Variants in IFT140 observed in about 807,000 individuals in gnomAD.
IFT140 encodes intraflagellar transport 140.
IFT140 carries 133 observed loss-of-function variants against 164.6 expected under a neutral mutation model. That is an observed-to-expected ratio of 0.81 (90% CI 0.70 to 0.93). The LOEUF (loss-of-function observed/expected upper bound fraction) is 0.93. Ranked by LOEUF, IFT140 falls within the 40% of genes least tolerant of loss-of-function variation. IFT140 has a pLI of 0.00. For missense variants in IFT140, 2,045 were observed against 1,972.3 expected (o/e 1.04, Z -0.70); for synonymous variants, 860 against 817.3 (o/e 1.05, Z -0.89).
At chr16:1,598,718 G>A (rs1420685289) in intron 4 of IFT140, among the ~76,000 whole-genome samples, 9 of 152,264 alleles carry the variant, frequency 5.9e-5, no homozygotes, top group Admixed American at 2.6e-4. Flanking sequence ...GGCATGCCCC[G>A]GGACCCATCT....
At chr16:1,594,081 A>G (rs1226852468) in intron 4 of IFT140, among the ~76,000 whole-genome samples, 2 of 152,140 alleles carry the variant, frequency 1.3e-5, no homozygotes, top group Non-Finnish European at 1.5e-5. Flanking sequence ...TGCTTCATGT[A>G]TTCTGTTGCT....
At chr16:1,524,398 G>C (rs971694954) in intron 24 of IFT140, 154 bp downstream of exon 24, 1 of 957,790 alleles carries the variant, frequency 1.0e-6, no homozygotes, top group Non-Finnish European at 1.5e-6. Context: ...TGGGCAGAGG[G>C]GTGGGCGGGT....
Position 1,589,700 on chromosome 16 carries a change from T to C in IFT140, c.715A>G (p.Met239Val), listed in dbSNP as rs781148893. ...ACCACCAGTGCCTCCCTCTTCTCCA[T>C]GTAGAACAGCATCTGAATCGTGCTG... ...ADSTIQMLFYMEKREALVVVT... is the reference protein window; with the variant it reads ...ADSTIQMLFYVEKREALVVVT... Residue 239 changes from methionine to valine, a missense_variant, in exon 7 of 31, where the codon ATG becomes GTG. Met to Val is a conservative substitution (Grantham distance 21). Coordinates refer to ENST00000426508, the MANE Select transcript of IFT140 (RefSeq NM_014714.4). The C allele has an allele frequency of 2.5e-6, 4 of 1,614,098 alleles. No homozygotes were observed. In the South Asian group the frequency reaches 3.3e-5, roughly 13 times the overall value.
chr16:1,554,595 C>CGT (rs1408806351), intron 19 of IFT140, among the ~76,000 whole-genome samples: 1 of 152,094 alleles, frequency 6.6e-6, no homozygotes, highest in African/African-American at 2.4e-5. Context: ...GCAGCCGCCC[C>CGT]GTAAAGCAGG....
chr16:1,567,726 C>T (rs973697478), intron 15 of IFT140, among the ~76,000 whole-genome samples: 23 of 152,182 alleles, frequency 1.5e-4, no homozygotes, highest in Non-Finnish European at 2.2e-4. Context: ...AGGAACCAAC[C>T]GGCTCCAAAC....
intron 19 of IFT140, among the ~76,000 whole-genome samples, chr16:1,543,811 T>C (rs2031889323): frequency 6.6e-6 from 1 of 152,188 alleles, no homozygotes; most frequent in Non-Finnish European, 1.5e-5. Flanking sequence ...GAAGTGGTTT[T>C]CCTGTCTCAC....
At chr16:1,593,732 G>T (rs1312023178) in intron 4 of IFT140, among the ~76,000 whole-genome samples, 1 of 152,044 alleles carries the variant, frequency 6.6e-6, no homozygotes, top group African/African-American at 2.4e-5. Flanking sequence ...TAAAGCTGAG[G>T]TGCCTTCTCT....
At chr16:1,595,288 TAAACAAACAAAC>T (rs548828185) in intron 4 of IFT140, among the ~76,000 whole-genome samples, 2 of 140,678 alleles carry the variant, frequency 1.4e-5, no homozygotes, top group African/African-American at 2.7e-5. Flanking sequence ...TCGTCTCAAA[TAAACAAACAAAC>T]AAACAAACAA....
intron 2 of IFT140, among the ~76,000 whole-genome samples, chr16:1,609,510 A>T (rs1011367243): frequency 6.6e-6 from 1 of 152,090 alleles, no homozygotes; most frequent in Admixed American, 6.5e-5. Flanking sequence ...ATTGCCCCCC[A>T]TATTATCTTC....
At chr16:1,516,181 C>T (rs1345054962) in intron 30 of IFT140, among the ~76,000 whole-genome samples, 2 of 77,120 alleles carry the variant, frequency 2.6e-5, no homozygotes, top group African/African-American at 3.8e-5. Flanking sequence ...AAAAAAAACA[C>T]CAGAAATGGA....
chr16:1,568,029 T>C (rs1277431557), intron 15 of IFT140, among the ~76,000 whole-genome samples, 188 bp downstream of exon 15: 1 of 152,048 alleles, frequency 6.6e-6, no homozygotes, highest in African/African-American at 2.4e-5. Context: ...AGGACCATGC[T>C]GGGGAGGTTC....
In IFT140 at chr16:1,589,730, C is replaced by A. The variant is rs555382397; in HGVS notation, c.685G>T (p.Ala229Ser). Residue 229 changes from alanine (A) to serine (S), a missense_variant, in exon 7 of 31, where the codon GCA becomes TCA. Physicochemically the swap from Ala to Ser is moderately conservative, Grantham distance 99 (BLOSUM62 1). Transcript: ENST00000426508. ...AACAGCATCTGAATCGTGCTGTCTG[C>A]GGACACCACCTGAGTGGTCTTGCCC... ...EKGKTTQVVS[A>S]DSTIQMLFYM... 1.2e-6 allele frequency: 2 copies of A among 1,614,148 alleles called. No individual in the cohort carries two copies. Among genetic ancestry groups the A allele is most frequent in the Non-Finnish European group, 1.7e-6 (2 of 1,180,004 alleles).
At chr16:1,577,043 C>G (rs1346542935) in intron 13 of IFT140, 1 of 152,190 alleles carries the variant, frequency 6.6e-6, no homozygotes, top group Non-Finnish European at 1.5e-5. Flanking sequence ...TCTCACGGTT[C>G]TAGAGGATTT....
chr16:1,520,357 C>A lies in IFT140; in HGVS notation c.3661-14G>T. ...CGCCCTCATGGCCTAGGCAGAGAGA[C>A]AGCGGGGCTCAGGCAAGCAGGGGCT... On this transcript the variant is annotated splice_polypyrimidine_tract_variant and intron_variant, in intron 27 of 30. Transcript: ENST00000426508. 1 of 1,613,066 alleles carries A rather than the reference C, an allele frequency of 6.2e-7. No homozygotes were observed. The highest frequency in any genetic ancestry group is 1.1e-5 in the South Asian group (1 of 91,070).
Position 1,524,854 on chromosome 16 carries a change from T to G in IFT140, c.2927A>C (p.His976Pro), listed in dbSNP as rs1370836215. Residue 976 changes from histidine to proline, a missense_variant, in exon 23 of 31, where the codon CAC becomes CCC. By Grantham distance (77) the His-to-Pro change is moderately conservative (BLOSUM62 -2). Transcript: ENST00000426508. ...GTGGTCCCGGGCCAGCTCGTAGTAG[T>G]GCAGCGCGGCGTCCATCTCGCCCTG... ...ESQGEMDAALHYYELARDHFS... is the reference protein window; with the variant it reads ...ESQGEMDAALPYYELARDHFS... The G allele has an allele frequency of 1.2e-6, 2 of 1,613,068 alleles. No individual in the cohort carries two copies. Among genetic ancestry groups the G allele is most frequent in the Non-Finnish European group, 8.5e-7 (1 of 1,179,660 alleles).
chr16:1,512,565 C>T lies in IFT140; in HGVS notation c.4183-1415G>A, dbSNP rs573989954. On this transcript the variant is annotated intron_variant, in intron 30 of 30. Coordinates refer to ENST00000426508, the MANE Select transcript of IFT140 (RefSeq NM_014714.4). ...GGCGAAATATTTAAAATGTGGATTTCCTGTTAATTTTGAGGATATAGCAGT... is the reference window on the plus strand; with the variant it reads ...GGCGAAATATTTAAAATGTGGATTTTCTGTTAATTTTGAGGATATAGCAGT... Among the ~76,000 whole-genome samples the T allele has an allele frequency of 6.6e-4, 101 of 152,254 alleles. 1 individual carries two copies. The highest frequency in any genetic ancestry group is 2.1e-3 in the African/African-American group (86 of 41,532).
chr16:1,555,372 A>G (rs1417400065), intron 19 of IFT140: 1 of 259,392 alleles, frequency 3.9e-6, no homozygotes, highest in Non-Finnish European at 7.4e-6. Flanking sequence ...TTTATTCTGC[A>G]TCTGCTGAGA....
In IFT140 at chr16:1,564,043, G is replaced by A. The variant is rs1240961381; in HGVS notation, c.2021C>T (p.Pro674Leu). The change falls in exon 17 of 31, where the codon CCT becomes CTT. Residue 674 changes from proline (P) to leucine (L), a missense_variant. Coordinates refer to ENST00000426508, the MANE Select transcript of IFT140 (RefSeq NM_014714.4). This position sits in a 1 kb window ranked among gnomAD's most constrained non-coding sequence, Gnocchi z 5.5. Reference protein sequence around the residue: ...EAVQETPRSQPQSANGQPQDG... With the variant: ...EAVQETPRSQLQSANGQPQDG... Reference sequence around the variant, plus strand: ...TTGGGGCTGCCCGTTTGCAGACTGAGGCTGGGAGCGCGGCGTCTCCTGCAC... The same window carrying A: ...TTGGGGCTGCCCGTTTGCAGACTGAAGCTGGGAGCGCGGCGTCTCCTGCAC... 3 of 1,599,970 alleles carry A rather than the reference G, an allele frequency of 1.9e-6. No individual in the cohort carries two copies. The highest frequency in any genetic ancestry group is 2.7e-5 in the African/African-American group (2 of 74,724).
chr16:1,555,287 G>A, intron 19 of IFT140: 2 of 475,472 alleles, frequency 4.2e-6, no homozygotes, highest in Non-Finnish European at 7.5e-6. Context: ...ACGCACTTCA[G>A]GGTGGAAGCT....
Sources: gnomAD v4.1 joint callset for allele counts (sites outside exome capture counted in the v4.1 genomes callset) on GRCh38, gnomAD v4.1.1 for gene constraint, Gnocchi (gnomAD v3.1) non-coding constraint, MANE v1.5 for transcripts, NCBI Gene and HGNC (gene_info 2026-07-23, HGNC 2026-07-21) for gene names.